The following SUCLG2 variants were observed in gnomAD, a reference collection of about 807,000 sequenced individuals.
The protein encoded by SUCLG2 is succinate--CoA ligase [GDP-forming] subunit beta, mitochondrial.
In SUCLG2, 42 loss-of-function variants were observed where a neutral mutation model predicts 47.9. The ratio of observed to expected loss-of-function variants is 0.88; its 90% CI spans 0.69 to 1.14. The LOEUF is 1.14. Ranked by LOEUF, SUCLG2 falls within the 50% of genes most tolerant of loss-of-function variation. SUCLG2 has a pLI of 0.00. For missense variants in SUCLG2, 571 were observed against 525.9 expected, an observed-to-expected ratio of 1.09 and a Z score of -0.84; for synonymous variants, 195 against 197.3, an observed-to-expected ratio of 0.99 and a Z score of 0.10.
intron 1 of SUCLG2, among the ~76,000 whole-genome samples, chr3:67,623,663 A>C (rs1444642911): frequency 6.6e-6 from 1 of 152,214 alleles, no homozygotes; most frequent in East Asian, 1.9e-4. Context: ...GATCCTTTAC[A>C]ATACTCAGAG....
intron 9 of SUCLG2, among the ~76,000 whole-genome samples, chr3:67,472,923 G>A (rs528129190): frequency 3.9e-5 from 6 of 152,216 alleles, no homozygotes; most frequent in African/African-American, 1.4e-4. Flanking sequence ...TCTTAAACAT[G>A]GGGAAATGAC....
chr3:67,494,225 T>G (rs1575733691), intron 9 of SUCLG2, among the ~76,000 whole-genome samples: 1 of 152,244 alleles, frequency 6.6e-6, no homozygotes, highest in South Asian at 2.1e-4. Context: ...AAAAATCTGG[T>G]ATTATTTTCA....
chr3:67,546,730 G>C (rs1338142958), intron 2 of SUCLG2, among the ~76,000 whole-genome samples: 1 of 149,652 alleles, frequency 6.7e-6, no homozygotes. Context: ...GTAAGACTCT[G>C]TCTCAAAACA....
At chr3:67,409,511 T>C (rs1020409133) in intron 9 of SUCLG2, among the ~76,000 whole-genome samples, 1 of 152,144 alleles carries the variant, frequency 6.6e-6, no homozygotes, top group Admixed American at 6.6e-5. Flanking sequence ...CAGAGATCTT[T>C]GAACTGTTAA....
At chr3:67,454,087 T>C (rs1471445842) in intron 9 of SUCLG2, among the ~76,000 whole-genome samples, 5 of 152,256 alleles carry the variant, frequency 3.3e-5, no homozygotes, top group African/African-American at 1.2e-4. Context: ...GCTTAAAATA[T>C]TCTTAGGCCT....
intron 2 of SUCLG2, among the ~76,000 whole-genome samples, chr3:67,556,078 A>G (rs1442702099): frequency 6.6e-6 from 1 of 152,236 alleles, no homozygotes; most frequent in Admixed American, 6.5e-5. Flanking sequence ...TAAACAGAAA[A>G]AGACCTGACT....
intron 1 of SUCLG2, among the ~76,000 whole-genome samples, chr3:67,621,090 T>C (rs1463414542): frequency 6.6e-6 from 1 of 152,234 alleles, no homozygotes; most frequent in African/African-American, 2.4e-5. Context: ...AGGTGGACTC[T>C]GTTGCAACTA....
At chr3:67,553,012 T>C (rs774964106) in intron 2 of SUCLG2, among the ~76,000 whole-genome samples, 5 of 152,232 alleles carry the variant, frequency 3.3e-5, no homozygotes, top group Non-Finnish European at 7.3e-5. Context: ...ATTATTGTCA[T>C]CAATTAATTG....
At chr3:67,478,585 T>C (rs1446206350) in intron 9 of SUCLG2, among the ~76,000 whole-genome samples, 1 of 152,264 alleles carries the variant, frequency 6.6e-6, no homozygotes, top group East Asian at 1.9e-4. Context: ...GTTCTCTCCG[T>C]ACTTTCATTA....
intron 2 of SUCLG2, among the ~76,000 whole-genome samples, chr3:67,535,974 AC>A (rs1485519730): frequency 6.6e-6 from 1 of 152,228 alleles, no homozygotes; most frequent in African/African-American, 2.4e-5. Flanking sequence ...AGCAGAGCCC[AC>A]AAGTGTTGCG....
intron 9 of SUCLG2, among the ~76,000 whole-genome samples, chr3:67,432,045 T>C (rs1006321403): frequency 6.6e-6 from 1 of 152,124 alleles, no homozygotes; most frequent in Non-Finnish European, 1.5e-5. Context: ...GGATGATGGA[T>C]GGTCTGTTCA....
intron 1 of SUCLG2, among the ~76,000 whole-genome samples, chr3:67,623,296 C>T (rs368131884): frequency 1.3e-5 from 2 of 151,992 alleles, no homozygotes; most frequent in Non-Finnish European, 2.9e-5. Context: ...GTCAGGACAT[C>T]GAGACCATAC....
chr3:67,531,093 T>G (rs902847204), intron 2 of SUCLG2, among the ~76,000 whole-genome samples: 7 of 152,182 alleles, frequency 4.6e-5, no homozygotes, highest in African/African-American at 1.7e-4. Flanking sequence ...AAGGATGATG[T>G]GAAGAATAAA....
chr3:67,441,646 T>C (rs1473563369), intron 9 of SUCLG2, among the ~76,000 whole-genome samples: 1 of 152,200 alleles, frequency 6.6e-6, no homozygotes, highest in Non-Finnish European at 1.5e-5. Context: ...GTTGCTCAAC[T>C]TTAGGATCTT....
intron 9 of SUCLG2, among the ~76,000 whole-genome samples, chr3:67,410,905 T>C (rs985188151): frequency 1.3e-5 from 2 of 152,224 alleles, no homozygotes; most frequent in African/African-American, 4.8e-5. Context: ...TTATTTGTAA[T>C]GGGAGCTACA....
At position 67,378,798 on chromosome 3, in the gene SUCLG2, T is replaced by C. The variant is rs189611079; in HGVS notation, c.1184-2939A>G. On this transcript the variant is annotated intron_variant, in intron 10 of 10. Transcript: ENST00000307227. ...ACAACCTGCGTGCACTTTGATTCAT[T>C]TGACTGTGGCAGGTGTTAGATAGCA... Among the ~76,000 whole-genome samples, 17 of 152,330 alleles carry C rather than the reference T, an allele frequency of 1.1e-4. No homozygotes were observed. The South Asian group carries it at 1.2e-3, about 11-fold the overall frequency.
At chr3:67,435,421 C>T (rs778210885) in intron 9 of SUCLG2, among the ~76,000 whole-genome samples, 1 of 152,142 alleles carries the variant, frequency 6.6e-6, no homozygotes, top group Non-Finnish European at 1.5e-5. Flanking sequence ...ATGTTATCTC[C>T]ACCACATGGC....
At chr3:67,415,404 G>A (rs916458235) in intron 9 of SUCLG2, among the ~76,000 whole-genome samples, 5 of 152,114 alleles carry the variant, frequency 3.3e-5, no homozygotes, top group Admixed American at 2.0e-4. Flanking sequence ...TAGATGCTAG[G>A]CACTGCCTAA....
intron 6 of SUCLG2, among the ~76,000 whole-genome samples, chr3:67,515,102 GGTGA>G (rs1314198593): frequency 3.3e-5 from 5 of 152,074 alleles, no homozygotes; most frequent in Admixed American, 6.5e-5. Flanking sequence ...TCGCAAGAAG[GGTGA>G]GTACAGTACA....
Sources: gnomAD v4.1 joint callset for allele counts (sites outside exome capture counted in the v4.1 genomes callset) on GRCh38, gnomAD v4.1.1 for gene constraint, MANE v1.5 for transcripts, NCBI Gene and HGNC (gene_info 2026-07-23, HGNC 2026-07-21) for gene names.